Variants in PEBP4 observed in about 807,000 individuals in gnomAD.
PEBP4 encodes phosphatidylethanolamine-binding protein 4.
In PEBP4, 22 loss-of-function variants were observed where a neutral mutation model predicts 23.9. That is an observed-to-expected ratio of 0.92 (90% CI 0.66 to 1.31). The LOEUF is 1.31. PEBP4 is among the 40% of genes most tolerant of loss of function. The pLI is 0.00. For synonymous variants in PEBP4, 112 were observed against 99.3 expected, an observed-to-expected ratio of 1.13 and a Z score of -0.76; for missense variants, 324 against 281.7, an observed-to-expected ratio of 1.15 and a Z score of -1.07.
intron 4 of PEBP4, among the ~76,000 whole-genome samples, chr8:22,797,637 G>A (rs1432022762): frequency 1.3e-5 from 2 of 152,200 alleles, no homozygotes; most frequent in African/African-American, 2.4e-5. Context: ...GAGCAGCAGT[G>A]GGTGGTCAGT....
upstream of PEBP4, among the ~76,000 whole-genome samples, chr8:22,929,651 C>T (rs954302516): frequency 6.6e-6 from 1 of 152,176 alleles, no homozygotes; most frequent in African/African-American, 2.4e-5. Flanking sequence ...AAGTGGCAGA[C>T]CTGGAATTTG....
At chr8:22,913,250 C>A (rs548845962) in intron 3 of PEBP4, among the ~76,000 whole-genome samples, 3 of 152,134 alleles carry the variant, frequency 2.0e-5, no homozygotes, top group Non-Finnish European at 4.4e-5. Context: ...GCTCCCAGCC[C>A]GCAGTCCTGG....
chr8:22,715,563 A>T (rs917203072), intron 6 of PEBP4, among the ~76,000 whole-genome samples: 1 of 152,190 alleles, frequency 6.6e-6, no homozygotes, highest in African/African-American at 2.4e-5. Context: ...ACCCATCACG[A>T]GGCTGGGGCA....
intron 3 of PEBP4, among the ~76,000 whole-genome samples, chr8:22,847,339 C>A (rs955949042): frequency 2.0e-5 from 3 of 152,150 alleles, no homozygotes; most frequent in Non-Finnish European, 2.9e-5. Context: ...TAAAATATAT[C>A]CTTGGAAAAG....
intron 4 of PEBP4, among the ~76,000 whole-genome samples, chr8:22,777,735 G>A (rs1244303199): frequency 6.6e-6 from 1 of 152,186 alleles, no homozygotes; most frequent in Non-Finnish European, 1.5e-5. Flanking sequence ...TCCTCTTGAG[G>A]AGGAGGAGAG....
At position 22,879,423 on chromosome 8, in the gene PEBP4, G is replaced by C. The variant is rs970553122; in HGVS notation, c.258+40761C>G. Reference sequence around the variant, plus strand: ...GCATGAATTGGTGAGTAGCAGAGATGAGATTTCAAGCCAGTGGGGAGAGAA... The same window carrying C: ...GCATGAATTGGTGAGTAGCAGAGATCAGATTTCAAGCCAGTGGGGAGAGAA... On this transcript the variant is annotated intron_variant, in intron 3 of 6. Transcript: ENST00000256404. The C allele has an allele frequency of 7.2e-5, 11 of 152,356 alleles. No individual in the cohort carries two copies. In the Middle Eastern group the frequency reaches 0.014, roughly 188 times the overall value. 9.4% of individuals were successfully genotyped at this position (152,356 alleles called of 1,614,324 possible).
chr8:22,930,724 G>A (rs374068939), upstream of PEBP4, among the ~76,000 whole-genome samples: 1 of 152,078 alleles, frequency 6.6e-6, no homozygotes, highest in East Asian at 1.9e-4. Flanking sequence ...AGTGGTTCTC[G>A]GGATTTTTCA....
At position 22,923,716 on chromosome 8, in the gene PEBP4, A is replaced by C. The variant is rs79582278; in HGVS notation, c.132-3406T>G. Reference sequence around the variant, plus strand: ...TAATCCTCAATATGATGGTATTAACAAGCGGGACTTGGAAGAGGTGATTAA... The same window carrying C: ...TAATCCTCAATATGATGGTATTAACCAGCGGGACTTGGAAGAGGTGATTAA... On this transcript the variant is annotated intron_variant, in intron 2 of 6. Coordinates refer to ENST00000256404, the MANE Select transcript of PEBP4 (RefSeq NM_144962.3). Among the ~76,000 whole-genome samples, 1,298 of 152,308 alleles carry C rather than the reference A, an allele frequency of 8.5e-3. 23 individuals are homozygous for C. The highest frequency in any genetic ancestry group is 0.03 in the African/African-American group (1,245 of 41,554).
chr8:22,749,620 A>G (rs1476228083), intron 4 of PEBP4, among the ~76,000 whole-genome samples: 14 of 152,090 alleles, frequency 9.2e-5, no homozygotes, highest in Admixed American at 9.2e-4. Flanking sequence ...TTCCCCATCC[A>G]GGTGGGTAGC....
At chr8:22,928,575 A>G (rs1809402987), upstream of PEBP4, among the ~76,000 whole-genome samples, 2 of 152,098 alleles carry the variant, frequency 1.3e-5, no homozygotes, top group Non-Finnish European at 2.9e-5. Flanking sequence ...TCCTGCCACC[A>G]GGTGCATGTG....
rs377530311 is a variant in PEBP4, at chr8:22,826,217, A to G, written c.259-8482T>C. 3.4e-4 allele frequency among the ~76,000 whole-genome samples: 52 copies of G among 152,322 alleles called. No individual in the cohort carries two copies. The East Asian group carries it at 5.0e-3, about 15-fold the overall frequency. On this transcript the variant is annotated intron_variant, in intron 3 of 6. Transcript: ENST00000256404. ...TCACAATAAGATAAAATAAAAATAA[A>G]CTAAACCCACTTGAAGAAGGCAGGA... is the stretch of plus-strand genomic sequence containing the variant.
chr8:22,916,253 C>G (rs796736043), intron 3 of PEBP4, among the ~76,000 whole-genome samples: 46 of 152,344 alleles, frequency 3.0e-4, no homozygotes, highest in African/African-American at 1.0e-3. Flanking sequence ...AATAAGCCCC[C>G]AGTCAAGAAG....
intron 2 of PEBP4, chr8:22,925,215 A>G (rs1446830896): frequency 6.1e-6 from 6 of 985,328 alleles, no homozygotes; most frequent in Non-Finnish European, 7.2e-6. Flanking sequence ...TGAAATCAAA[A>G]GACATCTTCC....
chr8:22,914,098 C>T (rs1040732446), intron 3 of PEBP4, among the ~76,000 whole-genome samples: 1 of 151,768 alleles, frequency 6.6e-6, no homozygotes, highest in Non-Finnish European at 1.5e-5. Context: ...AGTGATTCTC[C>T]TATCTCAGCC....
intron 3 of PEBP4, among the ~76,000 whole-genome samples, chr8:22,918,455 C>G (rs1466239561): frequency 6.6e-6 from 1 of 152,144 alleles, no homozygotes; most frequent in Non-Finnish European, 1.5e-5. Context: ...GTGATGTCGT[C>G]TTTGTGTAAT....
intron 4 of PEBP4, among the ~76,000 whole-genome samples, chr8:22,806,793 C>G (rs1806504335): frequency 6.6e-6 from 1 of 152,160 alleles, no homozygotes; most frequent in African/African-American, 2.4e-5. Flanking sequence ...CAACATCTCT[C>G]CCCCTTGGCC....
intron 3 of PEBP4, among the ~76,000 whole-genome samples, chr8:22,882,614 G>A (rs1046281672): frequency 3.9e-4 from 59 of 152,328 alleles, no homozygotes; most frequent in African/African-American, 1.2e-3. Flanking sequence ...TGTATTAATC[G>A]TGTCTTTTTA....
chr8:22,805,758 A>T (rs1170068473), intron 4 of PEBP4, among the ~76,000 whole-genome samples: 1 of 152,044 alleles, frequency 6.6e-6, no homozygotes, highest in Non-Finnish European at 1.5e-5. Context: ...TTTGCTATGA[A>T]TGTAAAATGC....
chr8:22,818,254 G>C (rs1806787532), intron 3 of PEBP4, among the ~76,000 whole-genome samples: 2 of 152,246 alleles, frequency 1.3e-5, no homozygotes, highest in African/African-American at 4.8e-5. Flanking sequence ...GGAGGCAACA[G>C]AGCACAAGAC....
Sources: gnomAD v4.1 joint callset for allele counts (sites outside exome capture counted in the v4.1 genomes callset) on GRCh38, gnomAD v4.1.1 for gene constraint, MANE v1.5 for transcripts, NCBI Gene and HGNC (gene_info 2026-07-23, HGNC 2026-07-21) for gene names.